Variants in THSD7B observed in about 807,000 individuals in gnomAD.
The protein encoded by THSD7B is thrombospondin type-1 domain-containing protein 7B.
In THSD7B, 138 loss-of-function variants were observed where a neutral mutation model predicts 213.6. The observed-to-expected ratio is 0.65, with a 90% CI of 0.56 to 0.74. THSD7B has a LOEUF of 0.74. Among genes scored for constraint, THSD7B ranks in the 30% least tolerant of loss-of-function variants. The pLI, the probability that THSD7B is intolerant of heterozygous loss-of-function variation, is 0.00. For synonymous variants in THSD7B, 742 were observed against 687.0 expected (o/e 1.08, Z -1.25); for missense variants, 1,931 against 1,991.5 (o/e 0.97, Z 0.58).
In THSD7B at chr2:137,547,443, C is replaced by G. The variant is rs183875030; in HGVS notation, c.3139-15778C>G. On this transcript the variant is annotated intron_variant, in intron 15 of 27. Coordinates refer to ENST00000409968, the MANE Select transcript of THSD7B (RefSeq NM_001316349.2). ...TTTCTACAGTAGAAGGAAAAATTCA[C>G]TGTGTGTGTGTATGTGTGTGTATGT... is the stretch of plus-strand genomic sequence containing the variant. Among the ~76,000 whole-genome samples, 433 of 151,948 alleles carry G rather than the reference C, an allele frequency of 2.8e-3. 3 individuals are homozygous for G. Among genetic ancestry groups the G allele is most frequent in the African/African-American group, 1.0e-2 (415 of 41,514 alleles).
chr2:136,980,621 G>T (rs945859310), intron 2 of THSD7B, among the ~76,000 whole-genome samples: 2 of 152,164 alleles, frequency 1.3e-5, no homozygotes, highest in African/African-American at 4.8e-5. Flanking sequence ...GGCTGAAATT[G>T]ATGGTGGTCA....
chr2:137,490,378 GA>G (rs1490751235), intron 15 of THSD7B, among the ~76,000 whole-genome samples: 1 of 152,164 alleles, frequency 6.6e-6, no homozygotes, highest in Non-Finnish European at 1.5e-5. Context: ...AATAATGTTA[GA>G]AAGTGAGATA....
intron 20 of THSD7B, among the ~76,000 whole-genome samples, chr2:137,641,858 A>C (rs1286295708): frequency 2.0e-5 from 3 of 152,204 alleles, no homozygotes; most frequent in Non-Finnish European, 4.4e-5. Context: ...TGAAGAAAGA[A>C]ATTGGTTCTA....
chr2:137,303,255 C>T (rs1054510455), intron 12 of THSD7B, among the ~76,000 whole-genome samples: 2 of 152,118 alleles, frequency 1.3e-5, no homozygotes, highest in Admixed American at 6.6e-5. Context: ...TTCTTGGCTT[C>T]AAGCCATATT....
intron 12 of THSD7B, among the ~76,000 whole-genome samples, chr2:137,386,774 G>C (rs945507560): frequency 2.0e-5 from 3 of 152,240 alleles, no homozygotes; most frequent in African/African-American, 7.2e-5. Context: ...GTTTAGAGGT[G>C]ATACAGGGCA....
At chr2:136,979,373 T>C (rs1333148640) in intron 2 of THSD7B, among the ~76,000 whole-genome samples, 1 of 152,194 alleles carries the variant, frequency 6.6e-6, no homozygotes, top group East Asian at 1.9e-4. Context: ...CTGGATGATA[T>C]CCTGAAGTAT....
At position 137,013,647 on chromosome 2, in the gene THSD7B, G is replaced by T. The variant is rs553576460; in HGVS notation, c.140-42773G>T. ...GAATCCTGAACACCACCTTTAGTGA[G>T]GTTTTGCTGCACAGAATTCCCTTTT... On this transcript the variant is annotated intron_variant, in intron 2 of 27. Coordinates refer to ENST00000409968, the MANE Select transcript of THSD7B (RefSeq NM_001316349.2). 3.3e-5 allele frequency among the ~76,000 whole-genome samples: 5 copies of T among 152,234 alleles called. No individual in the cohort carries two copies. The South Asian group carries it at 1.0e-3, about 32-fold the overall frequency.
At position 137,397,059 on chromosome 2, in the gene THSD7B, T is replaced by C. The variant is rs573400502; in HGVS notation, c.2501-8554T>C. Among the ~76,000 whole-genome samples, 356 of 146,530 alleles carry C rather than the reference T, an allele frequency of 2.4e-3. 3 individuals are homozygous for C. Among genetic ancestry groups the C allele is most frequent in the African/African-American group, 8.6e-3 (342 of 39,724 alleles). On this transcript the variant is annotated intron_variant, in intron 12 of 27. Coordinates refer to ENST00000409968, the MANE Select transcript of THSD7B (RefSeq NM_001316349.2). ...CTTTTATTTTGAGCCTATGTGTGTC[T>C]CTGCACGTGAGATGGGTTTCCTGAA...
At position 137,572,420 on chromosome 2, in the gene THSD7B, C is replaced by A. The variant is rs562558094; in HGVS notation, c.3287C>A (p.Ala1096Glu). 5 of 1,613,738 alleles carry A rather than the reference C, an allele frequency of 3.1e-6. No individual in the cohort carries two copies. The highest frequency in any genetic ancestry group is 4.2e-6 in the Non-Finnish European group (5 of 1,179,764). The change falls in exon 17 of 28, where the codon GCG becomes GAG. Residue 1096 changes from alanine (A) to glutamate (E), a missense_variant. Physicochemically the swap from Ala to Glu is moderately radical, Grantham distance 107 (BLOSUM62 -1). Transcript: ENST00000409968. ...QSRKIRCVNT[A>E]DGEGGAVDSN... ...TTGCTTTACAGATGTGTGAATACTG[C>A]GGATGGTGAAGGTGGAGCAGTGGAT... is the stretch of plus-strand genomic sequence containing the variant.
At chr2:137,167,959 G>C (rs1399348828) in intron 6 of THSD7B, among the ~76,000 whole-genome samples, 1 of 152,212 alleles carries the variant, frequency 6.6e-6, no homozygotes, top group East Asian at 1.9e-4. Flanking sequence ...GACTCTGAAA[G>C]ACTTCTGCTG....
chr2:136,847,060 T>G (rs1484013228), intron 1 of THSD7B, among the ~76,000 whole-genome samples: 4 of 152,108 alleles, frequency 2.6e-5, no homozygotes, highest in African/African-American at 9.7e-5. Flanking sequence ...ACAGCTGAAT[T>G]AAAGGTGGGA....
At chr2:137,460,722 C>A (rs774741811) in intron 15 of THSD7B, among the ~76,000 whole-genome samples, 1 of 151,936 alleles carries the variant, frequency 6.6e-6, no homozygotes, top group African/African-American at 2.4e-5. Flanking sequence ...AGAAGGAGTG[C>A]AGACAGAAAG....
chr2:136,920,307 G>A (rs502850), intron 2 of THSD7B, among the ~76,000 whole-genome samples: 63,885 of 152,044 alleles, frequency 0.42, 15,260 homozygotes, highest in Non-Finnish European at 0.55. Context: ...GTCCTGATGA[G>A]TGTCCAGCTC....
At chr2:137,212,425 T>C (rs973069245) in intron 7 of THSD7B, among the ~76,000 whole-genome samples, 2 of 152,098 alleles carry the variant, frequency 1.3e-5, no homozygotes, top group Non-Finnish European at 2.9e-5. Context: ...TGACAAGATT[T>C]GGGAATGCTT....
At chr2:136,989,900 G>A (rs578187790) in intron 2 of THSD7B, among the ~76,000 whole-genome samples, 2 of 152,336 alleles carry the variant, frequency 1.3e-5, no homozygotes, top group East Asian at 3.9e-4. Context: ...ATAGTGGCTA[G>A]TACTAGGGTC....
chr2:137,099,065 C>G (rs1378979533), intron 4 of THSD7B, among the ~76,000 whole-genome samples: 1 of 152,092 alleles, frequency 6.6e-6, no homozygotes, highest in African/African-American at 2.4e-5. Context: ...ATTTTATGGA[C>G]CTCCCCAACC....
At chr2:137,144,512 A>G (rs1210490542) in intron 5 of THSD7B, among the ~76,000 whole-genome samples, 4 of 152,058 alleles carry the variant, frequency 2.6e-5, no homozygotes, top group African/African-American at 7.2e-5. Context: ...TCAGTATCAT[A>G]GGGGAATTTA....
intron 2 of THSD7B, among the ~76,000 whole-genome samples, chr2:136,979,878 G>A (rs1030629512): frequency 6.6e-6 from 1 of 151,928 alleles, no homozygotes; most frequent in African/African-American, 2.4e-5. Flanking sequence ...TGTTTGCATT[G>A]ATTTTTTTTC....
intron 1 of THSD7B, among the ~76,000 whole-genome samples, chr2:136,869,867 T>A (rs1683402694): frequency 6.6e-6 from 1 of 151,854 alleles, no homozygotes; most frequent in African/African-American, 2.4e-5. Flanking sequence ...AGGTCAGGAG[T>A]TTGAGCCTGG....
Sources: allele counts gnomAD v4.1 joint callset (sites outside exome capture counted in the v4.1 genomes callset), GRCh38; gene constraint gnomAD v4.1.1; transcripts MANE v1.5; gene names NCBI Gene and HGNC (gene_info 2026-07-23, HGNC 2026-07-21).